WARS1: variants seen among roughly 807,000 people sequenced by gnomAD.
The protein encoded by WARS1 is tryptophan--tRNA ligase, cytoplasmic.
In WARS1, 17 loss-of-function variants were observed where a neutral mutation model predicts 47.8. The observed-to-expected ratio is 0.36, with a 90% CI of 0.24 to 0.53. WARS1 has a LOEUF of 0.53. Ranked by LOEUF, WARS1 falls within the 20% of genes least tolerant of loss-of-function variation. The pLI, the probability that WARS1 is intolerant of heterozygous loss-of-function variation, is 0.91. For missense variants in WARS1, 434 were observed against 608.0 expected (o/e 0.71, Z 3.01); for synonymous variants, 208 against 228.1 (o/e 0.91, Z 0.79).
At chr14:100,364,569 T>C (rs369997855) in intron 2 of WARS1, among the ~76,000 whole-genome samples, 11 of 152,358 alleles carry the variant, frequency 7.2e-5, no homozygotes, top group East Asian at 5.8e-4. Context: ...CAGATACAAA[T>C]GTACTTCTGA....
intron 6 of WARS1, among the ~76,000 whole-genome samples, chr14:100,347,689 GC>G (rs573723101): frequency 1.6e-3 from 246 of 152,216 alleles, no homozygotes; most frequent in African/African-American, 5.8e-3. Flanking sequence ...CAATTCTCCT[GC>G]CTCAGCCTCC....
chr14:100,349,026 AGGCTTCTCACTGGCTG>A (rs1894806809), intron 6 of WARS1, among the ~76,000 whole-genome samples: 1 of 152,166 alleles, frequency 6.6e-6, no homozygotes, highest in Non-Finnish European at 1.5e-5. Flanking sequence ...CGGCACATGG[AGGCTTCTCACTGGCTG>A]CAGTGAACAC....
chr14:100,344,980 C>T (rs1251470313), intron 7 of WARS1, among the ~76,000 whole-genome samples: 1 of 150,684 alleles, frequency 6.6e-6, no homozygotes, highest in African/African-American at 2.4e-5. Context: ...CGGCCAGCCG[C>T]CCCGTCCGGG....
At chr14:100,367,600 T>G (rs920873542) in intron 2 of WARS1, among the ~76,000 whole-genome samples, 117 of 7,598 alleles carry the variant, frequency 0.015, no homozygotes, top group Non-Finnish European at 0.019. Context: ...GGGGCGGGGG[T>G]GGGGTGGCAA....
Position 100,353,800 on chromosome 14 carries a change from C to T in WARS1, c.612G>A (p.Lys204=), listed in dbSNP as rs143822242. ...TATAGGCCTGGTCCAGGGTCAGGTC[C>T]TTCCACAGATACTTCTCGTCATCCG... ...QMTDDEKYLW[K]DLTLDQAYSY... The change falls in exon 6 of 11, where the codon AAG becomes AAA. Residue 204 remains lysine, a synonymous_variant. Coordinates refer to ENST00000392882, the MANE Select transcript of WARS1 (RefSeq NM_004184.4). 1.1e-5 allele frequency: 17 copies of T among 1,614,044 alleles called. No homozygotes were observed. In the African/African-American group the frequency reaches 1.9e-4, roughly 18 times the overall value.
At chr14:100,346,654 G>T in intron 7 of WARS1, 92 bp downstream of exon 7, 1 of 1,073,268 alleles carries the variant, frequency 9.3e-7, no homozygotes, top group Non-Finnish European at 1.4e-6. Flanking sequence ...TAACATCTCA[G>T]AGATATTTAA....
intron 4 of WARS1, 88 bp downstream of exon 4, chr14:100,360,455 TCCCACAGTACC>T (rs1453069782): frequency 3.5e-6 from 3 of 863,224 alleles, no homozygotes; most frequent in Non-Finnish European, 5.4e-6. Flanking sequence ...CCATCACTTT[TCCCACAGTACC>T]AGGTGGCTTA....
intron 6 of WARS1, among the ~76,000 whole-genome samples, chr14:100,352,114 T>TC (rs1211770787): frequency 3.1e-5 from 4 of 129,108 alleles, no homozygotes; most frequent in East Asian, 4.3e-4. Context: ...CTTTCTTTTT[T>TC]TTTTTTTTTT....
intron 9 of WARS1, among the ~76,000 whole-genome samples, chr14:100,337,688 CAA>C (rs35725702): frequency 9.6e-5 from 11 of 114,402 alleles, no homozygotes; most frequent in Admixed American, 2.8e-4. Context: ...TCCTCTCTGC[CAA>C]AAAAAAAAAA....
intron 2 of WARS1, 74 bp downstream of exon 2, chr14:100,369,013 A>G: frequency 1.8e-6 from 2 of 1,129,006 alleles, no homozygotes; most frequent in Non-Finnish European, 1.2e-6. Context: ...GAAACCATCT[A>G]TTCTAGAGGA....
At chr14:100,362,349 A>G (rs773283769) in intron 2 of WARS1, among the ~76,000 whole-genome samples, 2 of 152,172 alleles carry the variant, frequency 1.3e-5, no homozygotes, top group South Asian at 2.1e-4. Context: ...TAGTTTTTAC[A>G]TACCACACAG....
chr14:100,343,714 G>A (rs1041762982), intron 7 of WARS1, among the ~76,000 whole-genome samples: 2 of 151,406 alleles, frequency 1.3e-5, no homozygotes, highest in Admixed American at 1.3e-4. Flanking sequence ...TCAGCTCACC[G>A]CTACCTCTGC....
intron 2 of WARS1, among the ~76,000 whole-genome samples, chr14:100,366,469 C>T (rs1896002826): frequency 6.6e-6 from 1 of 152,122 alleles, no homozygotes; most frequent in Non-Finnish European, 1.5e-5. Context: ...AAACACCAAA[C>T]AGTTGAGAAT....
At chr14:100,366,888 T>C (rs1896032681) in intron 2 of WARS1, 1 of 1,609,168 alleles carries the variant, frequency 6.2e-7, no homozygotes, top group East Asian at 2.2e-5. Flanking sequence ...GAATATTACC[T>C]GGAGTCCCTG....
intron 10 of WARS1, 129 bp downstream of exon 10, chr14:100,336,933 A>T: frequency 7.8e-7 from 1 of 1,290,272 alleles, no homozygotes; most frequent in Non-Finnish European, 1.1e-6. Context: ...GAGTCTACTC[A>T]GTTTTCACCT....
At chr14:100,354,598 A>G (rs1895195314) in intron 4 of WARS1, 32 bp from the exon 5 acceptor site, 2 of 1,574,530 alleles carry the variant, frequency 1.3e-6, no homozygotes, top group South Asian at 2.3e-5. Flanking sequence ...GAAGAGTGTG[A>G]TTTTCTGAGA....
At chr14:100,375,091 C>T (rs1042052469) in intron 1 of WARS1, 192 bp downstream of exon 1, 2 of 152,158 alleles carry the variant, frequency 1.3e-5, no homozygotes, top group Admixed American at 6.5e-5. Flanking sequence ...GGATCCAAGC[C>T]CGCGACTGCT....
intron 1 of WARS1, chr14:100,370,233 T>C (rs1025430235): frequency 1.3e-5 from 2 of 152,212 alleles, no homozygotes; most frequent in African/African-American, 2.4e-5. Context: ...TGATTCATTA[T>C]AACCCTTGCA....
chr14:100,354,433 G>T lies in WARS1; in HGVS notation c.542+14C>A. The T allele has an allele frequency of 6.2e-7, 1 of 1,609,894 alleles. No individual in the cohort carries two copies. The highest frequency in any genetic ancestry group is 1.1e-5 in the South Asian group (1 of 89,808). ...ACTAAGAGAGTAAGAAAAGCCATAA[G>T]ATCCAATACTTACTTTGTGAAAATA... On this transcript the variant is annotated intron_variant, in intron 5 of 10. Coordinates refer to ENST00000392882, the MANE Select transcript of WARS1 (RefSeq NM_004184.4).
Sources: allele counts gnomAD v4.1 joint callset (sites outside exome capture counted in the v4.1 genomes callset), GRCh38; gene constraint gnomAD v4.1.1; transcripts MANE v1.5; gene names NCBI Gene and HGNC (gene_info 2026-07-23, HGNC 2026-07-21).